Variants in DNAH3 observed in about 807,000 individuals in gnomAD.
The protein encoded by DNAH3 is dynein axonemal heavy chain 3, also known as axonemal beta dynein heavy chain 3.
A neutral mutation model predicts 432.5 loss-of-function variants in DNAH3; 332 were observed. The observed-to-expected ratio is 0.77, with a 90% CI of 0.70 to 0.84. DNAH3 has a LOEUF of 0.84. DNAH3 is among the 40% of genes least tolerant of loss of function. DNAH3 has a pLI of 0.00. For synonymous variants in DNAH3, 1,956 were observed against 1,900.2 expected (o/e 1.03, Z -0.76); for missense variants, 4,861 against 5,114.0 (o/e 0.95, Z 1.51).
At chr16:20,975,518 T>G (rs978259676) in intron 50 of DNAH3, 103 bp from the exon 51 acceptor site, 6 of 1,116,470 alleles carry the variant, frequency 5.4e-6, no homozygotes, top group Non-Finnish European at 7.7e-6. Flanking sequence ...GCAGAAAATA[T>G]GTACTAATGA....
chr16:21,015,572 A>G (rs1286350692), intron 41 of DNAH3, among the ~76,000 whole-genome samples: 1 of 152,206 alleles, frequency 6.6e-6, no homozygotes, highest in East Asian at 1.9e-4. Flanking sequence ...ATAATAATTT[A>G]GCAATATTGG....
chr16:21,104,970 C>T lies in DNAH3; in HGVS notation c.2285-418G>A, dbSNP rs192935485. Among the ~76,000 whole-genome samples, 313 of 152,292 alleles carry T rather than the reference C, an allele frequency of 2.1e-3. 2 individuals carry two copies. The highest frequency in any genetic ancestry group is 3.6e-3 in the Non-Finnish European group (242 of 68,024). On this transcript the variant is annotated intron_variant, in intron 15 of 61. Coordinates refer to ENST00000261383, the Ensembl canonical transcript of DNAH3. ...AGAAACCCAGATTGATGCTCTCGTT[C>T]CACAGTTCAAACTATTTCACTTCAT...
chr16:21,115,721 TAAATAAAATA>T (rs1555563803), intron 12 of DNAH3, among the ~76,000 whole-genome samples: 1 of 140,942 alleles, frequency 7.1e-6, no homozygotes, highest in Admixed American at 7.0e-5. Flanking sequence ...AATAATAAAA[TAAATAAAATA>T]AAATAAAATA....
exon 36 of DNAH3, chr16:21,033,977 C>G: frequency 6.2e-7 from 1 of 1,612,322 alleles, no homozygotes; most frequent in Non-Finnish European, 8.5e-7. Flanking sequence ...GCTTTACCTG[C>G]GTGTAAATCG....
At chr16:21,062,910 A>G (rs1205076991) in intron 24 of DNAH3, 3 of 484,954 alleles carry the variant, frequency 6.2e-6, no homozygotes, top group Non-Finnish European at 7.3e-6. Context: ...CTAGACTTGA[A>G]CTCCTGGGCT....
intron 30 of DNAH3, 62 bp from the exon 31 acceptor site, chr16:21,049,744 G>C (rs77754576): frequency 3.0e-5 from 45 of 1,498,370 alleles, no homozygotes; most frequent in Non-Finnish European, 3.8e-5. Context: ...GAATTACCCC[G>C]CACCATTCAA....
chr16:21,145,624 C>T (rs186871293), intron 2 of DNAH3, among the ~76,000 whole-genome samples: 2 of 152,200 alleles, frequency 1.3e-5, no homozygotes, highest in African/African-American at 2.4e-5. Flanking sequence ...CTTGCATTCA[C>T]CAGTAATTTT....
At position 21,111,992 on chromosome 16, in the gene DNAH3, C is replaced by T. The variant is rs1567810552; in HGVS notation, c.1920+1G>A. 1.2e-6 allele frequency: 2 copies of T among 1,612,356 alleles called. No homozygotes were observed. The highest frequency in any genetic ancestry group is 1.1e-5 in the South Asian group (1 of 90,916). Reference sequence around the variant, plus strand: ...ATAAAATCTCAAGTGGCATTTCCTACCGTCACAAAATCATCAATGTCATGA... The same window carrying T: ...ATAAAATCTCAAGTGGCATTTCCTATCGTCACAAAATCATCAATGTCATGA... On this transcript the variant is annotated splice_donor_variant, in intron 13 of 61. Coordinates refer to ENST00000261383, the Ensembl canonical transcript of DNAH3. LOFTEE classifies it high-confidence loss of function.
At chr16:21,031,049 T>G in exon 37 of DNAH3, 1 of 1,614,188 alleles carries the variant, frequency 6.2e-7, no homozygotes, top group Non-Finnish European at 8.5e-7. Context: ...ACTTACCTTT[T>G]TATTGTCATC....
chr16:21,102,343 T>C (rs757945121), intron 16 of DNAH3, among the ~76,000 whole-genome samples: 1 of 152,248 alleles, frequency 6.6e-6, no homozygotes, highest in Non-Finnish European at 1.5e-5. Context: ...TTCAACAGCA[T>C]TTACTGTCTC....
chr16:21,012,374 AC>A, intron 41 of DNAH3, among the ~76,000 whole-genome samples: 1 of 152,354 alleles, frequency 6.6e-6, no homozygotes, highest in African/African-American at 2.4e-5. Context: ...TAAATAAAAA[AC>A]ATATGAAAAA....
intron 12 of DNAH3, among the ~76,000 whole-genome samples, chr16:21,115,184 T>G (rs1268767941): frequency 2.6e-5 from 4 of 152,096 alleles, no homozygotes; most frequent in Non-Finnish European, 1.5e-5. Flanking sequence ...TAGATGGGAA[T>G]TGAACAATGA....
exon 55 of DNAH3, chr16:20,954,925 T>C (rs1327888152): frequency 6.2e-7 from 1 of 1,614,162 alleles, no homozygotes; most frequent in East Asian, 2.2e-5. Flanking sequence ...ACACAGGATC[T>C]GAGATGGGGT....
intron 11 of DNAH3, among the ~76,000 whole-genome samples, chr16:21,118,189 T>C (rs751214465): frequency 2.0e-5 from 3 of 151,906 alleles, no homozygotes; most frequent in Admixed American, 6.6e-5. Context: ...AGCTTCACCA[T>C]GTTGGCCAGG....
chr16:21,062,388 G>A (rs2090390841), intron 25 of DNAH3, 94 bp downstream of exon 25: 1 of 983,648 alleles, frequency 1.0e-6, no homozygotes, highest in Non-Finnish European at 1.6e-6. Context: ...CCATACCCCA[G>A]GCAGTCTGGT....
At chr16:21,002,474 ATT>A (rs1424501689) in intron 42 of DNAH3, among the ~76,000 whole-genome samples, 2 of 128,706 alleles carry the variant, frequency 1.6e-5, no homozygotes, top group Admixed American at 7.9e-5. Context: ...TATTATTATT[ATT>A]TTGAGACAGA....
chr16:20,950,315 G>A (rs887540776), intron 56 of DNAH3, among the ~76,000 whole-genome samples: 5 of 152,148 alleles, frequency 3.3e-5, no homozygotes, highest in African/African-American at 1.2e-4. Flanking sequence ...TTCAACCTTG[G>A]CACTCTTAAC....
chr16:20,994,422 A>C (rs1025177014), intron 44 of DNAH3, among the ~76,000 whole-genome samples: 2 of 152,126 alleles, frequency 1.3e-5, no homozygotes, highest in Non-Finnish European at 2.9e-5. Context: ...CAAGAGCGAG[A>C]CTCTGTCTCA....
intron 9 of DNAH3, among the ~76,000 whole-genome samples, chr16:21,124,560 G>T (rs546847779): frequency 6.6e-6 from 1 of 151,818 alleles, no homozygotes; most frequent in South Asian, 2.1e-4. Flanking sequence ...AATTGATACT[G>T]ATTAATTGTA....
Sources: allele counts gnomAD v4.1 joint callset (sites outside exome capture counted in the v4.1 genomes callset), GRCh38; gene constraint gnomAD v4.1.1; transcripts MANE v1.5; gene names NCBI Gene and HGNC (gene_info 2026-07-23, HGNC 2026-07-21).